RAB38: variants seen among roughly 807,000 people sequenced by gnomAD.
RAB38 encodes the protein ras-related protein Rab-38.
RAB38 carries 15 observed loss-of-function variants against 18.4 expected under a neutral mutation model. The observed-to-expected ratio is 0.82, with a 90% CI of 0.55 to 1.26. The LOEUF (loss-of-function observed/expected upper bound fraction) is 1.26, where lower values mean the gene tolerates loss of function less well. Ranked by LOEUF, RAB38 falls within the 50% of genes most tolerant of loss-of-function variation. The probability of loss-of-function intolerance (pLI) is 0.00; values close to 1 mark genes in which losing one functional copy is unlikely to be tolerated. For missense variants in RAB38, 294 were observed against 267.4 expected, an observed-to-expected ratio of 1.10 and a Z score of -0.69; for synonymous variants, 101 against 104.4, an observed-to-expected ratio of 0.97 and a Z score of 0.20.
chr11:88,022,335 A>C, the RAB38 span, among the ~76,000 whole-genome samples: 1 of 151,974 alleles, frequency 6.6e-6, no homozygotes. Context: ...AAAAGAGTAC[A>C]GAAGGAACAT....
chr11:88,110,574 G>A (rs889172251), downstream of RAB38, among the ~76,000 whole-genome samples: 5 of 151,912 alleles, frequency 3.3e-5, no homozygotes, highest in South Asian at 2.1e-4. Context: ...ATCCCAGCAC[G>A]TTGGGAGGCC....
chr11:87,935,052 G>A, the RAB38 span, among the ~76,000 whole-genome samples: 1 of 152,002 alleles, frequency 6.6e-6, no homozygotes, highest in African/African-American at 2.4e-5. Flanking sequence ...CGGGAAGGGC[G>A]GGTCTCTCCT....
chr11:88,030,837 C>CAA, the RAB38 span, among the ~76,000 whole-genome samples: 2 of 151,896 alleles, frequency 1.3e-5, no homozygotes, highest in African/African-American at 4.8e-5. Context: ...GAAACTATTC[C>CAA]AATCAATAGA....
chr11:87,884,546 A>G, the RAB38 span, among the ~76,000 whole-genome samples: 3 of 151,958 alleles, frequency 2.0e-5, no homozygotes, highest in African/African-American at 7.2e-5. Context: ...GGACTGGTAC[A>G]TTACTTCCTT....
the RAB38 span, among the ~76,000 whole-genome samples, chr11:88,026,105 C>T: frequency 6.6e-6 from 1 of 151,998 alleles, no homozygotes; most frequent in Non-Finnish European, 1.5e-5. Context: ...GCTGGGATTA[C>T]AGGCACGCAC....
chr11:88,088,444 G>A, the RAB38 span, among the ~76,000 whole-genome samples: 3 of 151,774 alleles, frequency 2.0e-5, no homozygotes, highest in Non-Finnish European at 4.4e-5. Flanking sequence ...CCTGATAAGG[G>A]CCATTTTATT....
intron 2 of RAB38, among the ~76,000 whole-genome samples, chr11:88,114,713 G>A (rs1423149769): frequency 2.0e-5 from 3 of 152,172 alleles, no homozygotes; most frequent in Non-Finnish European, 4.4e-5. Context: ...TTTCATATAG[G>A]AGCAATAAGA....
the RAB38 span, among the ~76,000 whole-genome samples, chr11:87,915,179 A>C: frequency 1.3e-5 from 2 of 152,158 alleles, no homozygotes; most frequent in African/African-American, 2.4e-5. Flanking sequence ...GACAGCAGGC[A>C]TGTGAGCTGT....
At chr11:87,881,386 C>T in the RAB38 span, among the ~76,000 whole-genome samples, 5 of 151,826 alleles carry the variant, frequency 3.3e-5, no homozygotes, top group African/African-American at 1.2e-4. Context: ...GCAGTTCTGA[C>T]TCTTCCTTTG....
the RAB38 span, among the ~76,000 whole-genome samples, chr11:87,977,366 T>C: frequency 2.6e-5 from 3 of 116,556 alleles, no homozygotes; most frequent in African/African-American, 1.0e-4. Context: ...AAGTATATTA[T>C]AAAATTATAT....
At chr11:87,829,470 G>C in the RAB38 span, among the ~76,000 whole-genome samples, 5 of 152,278 alleles carry the variant, frequency 3.3e-5, no homozygotes, top group Admixed American at 1.3e-4. Flanking sequence ...CATGGCAGAA[G>C]GGGAAGAGGC....
At chr11:87,878,789 A>G in the RAB38 span, among the ~76,000 whole-genome samples, 1 of 151,678 alleles carries the variant, frequency 6.6e-6, no homozygotes, top group South Asian at 2.1e-4. Context: ...TTCTTGCTCA[A>G]TCCACCTCTT....
At position 88,113,264 on chromosome 11, in the gene RAB38, T is replaced by C. The variant is rs529113180; in HGVS notation, c.*724A>G. Reference sequence around the variant, plus strand: ...CACTTTCATAAATAGGGAAACAGCATCTTTTAATGTTTTATTGTTCACTTG... The same window carrying C: ...CACTTTCATAAATAGGGAAACAGCACCTTTTAATGTTTTATTGTTCACTTG... On this transcript the variant is annotated 3_prime_UTR_variant, in exon 3 of 3. Transcript: ENST00000243662. 5 of 152,234 alleles carry C rather than the reference T, an allele frequency of 3.3e-5. No homozygotes were observed. Among genetic ancestry groups the C allele is most frequent in the African/African-American group, 9.7e-5 (4 of 41,422 alleles). 9.4% of individuals were successfully genotyped at this position (152,234 alleles called of 1,614,324 possible).
the RAB38 span, among the ~76,000 whole-genome samples, chr11:88,015,052 A>ATT: frequency 1.3e-5 from 2 of 149,704 alleles, no homozygotes; most frequent in East Asian, 2.0e-4. Flanking sequence ...AGTTGCCTGT[A>ATT]TTTTTTTTTT....
the RAB38 span, among the ~76,000 whole-genome samples, chr11:88,074,046 T>TA: frequency 4.8e-3 from 684 of 143,002 alleles, 6 homozygotes; most frequent in East Asian, 0.044. Context: ...GAAAATTCCC[T>TA]AAAAAAAAAA....
At chr11:87,871,988 A>G in the RAB38 span, among the ~76,000 whole-genome samples, 7 of 151,624 alleles carry the variant, frequency 4.6e-5, no homozygotes, top group South Asian at 1.5e-3. Flanking sequence ...TTTTTGTTGG[A>G]TATATATACA....
the RAB38 span, among the ~76,000 whole-genome samples, chr11:87,889,917 A>C: frequency 1.3e-5 from 2 of 151,800 alleles, no homozygotes; most frequent in East Asian, 3.9e-4. Context: ...ATAGAACTTC[A>C]TTATATTAGA....
At chr11:88,149,272 C>G (rs111906885) in intron 2 of RAB38, among the ~76,000 whole-genome samples, 26 of 152,164 alleles carry the variant, frequency 1.7e-4, no homozygotes, top group African/African-American at 6.0e-4. Flanking sequence ...TACAGGTGAA[C>G]ATATTAAATA....
At chr11:87,823,440 A>G in the RAB38 span, among the ~76,000 whole-genome samples, 59 of 152,172 alleles carry the variant, frequency 3.9e-4, no homozygotes, top group Admixed American at 7.2e-4. Context: ...TGAAAATTCA[A>G]TGGATGTAGA....
Sources: gnomAD v4.1 joint callset for allele counts (sites outside exome capture counted in the v4.1 genomes callset) on GRCh38, gnomAD v4.1.1 for gene constraint, MANE v1.5 for transcripts, NCBI Gene and HGNC (gene_info 2026-07-23, HGNC 2026-07-21) for gene names.